Variants in TENM3 observed in about 807,000 individuals in gnomAD.
TENM3 encodes teneurin transmembrane protein 3, also known as teneurin-3.
Under a neutral mutation model 255.1 loss-of-function variants are expected in TENM3, and 63 were observed. That is an observed-to-expected ratio of 0.25 (90% confidence interval 0.20 to 0.30). The LOEUF (loss-of-function observed/expected upper bound fraction) is 0.30. Among genes scored for constraint, TENM3 ranks in the 10% least tolerant of loss-of-function variants. The pLI is 1.00. For synonymous variants in TENM3, 1,306 were observed against 1,322.3 expected, an observed-to-expected ratio of 0.99 and a Z score of 0.27; for missense variants, 2,929 against 3,461.1, an observed-to-expected ratio of 0.85 and a Z score of 3.86.
chr4:181,543,551 A>C, the TENM3 span, among the ~76,000 whole-genome samples: 1 of 152,276 alleles, frequency 6.6e-6, no homozygotes, highest in African/African-American at 2.4e-5. Context: ...CTTGTCTTGC[A>C]CCGTGCTTTT....
At chr4:181,488,856 G>A in the TENM3 span, among the ~76,000 whole-genome samples, 1 of 152,114 alleles carries the variant, frequency 6.6e-6, no homozygotes, top group Non-Finnish European at 1.5e-5. Flanking sequence ...TTTTCAAAAT[G>A]AAATCTTTGC....
chr4:182,518,060 TTC>T (rs1304093941), intron 3 of TENM3, among the ~76,000 whole-genome samples: 1 of 152,166 alleles, frequency 6.6e-6, no homozygotes, highest in African/African-American at 2.4e-5. Context: ...CTTTTTCTTG[TTC>T]TTTTTGTTTC....
the TENM3 span, among the ~76,000 whole-genome samples, chr4:182,101,000 G>T: frequency 2.6e-4 from 36 of 139,504 alleles, 1 homozygote; most frequent in East Asian, 5.4e-3. Context: ...AGACGAAATG[G>T]TACCACTGTA....
intron 22 of TENM3, among the ~76,000 whole-genome samples, chr4:182,755,898 G>A (rs750755644): frequency 1.4e-3 from 217 of 151,970 alleles, no homozygotes; most frequent in Middle Eastern, 6.8e-3. Context: ...GATACAAGAT[G>A]TAGGGCCTTG....
chr4:182,246,951 C>G (rs1757694029), intron 1 of TENM3, among the ~76,000 whole-genome samples: 1 of 152,102 alleles, frequency 6.6e-6, no homozygotes, highest in South Asian at 2.1e-4. Context: ...AGGTGGATCA[C>G]GAGGGATGCC....
intron 1 of TENM3, among the ~76,000 whole-genome samples, chr4:182,291,708 G>A (rs551172611): frequency 2.0e-5 from 3 of 152,088 alleles, no homozygotes; most frequent in African/African-American, 2.4e-5. Context: ...GTATGCATGC[G>A]TCCCTCCTCA....
chr4:182,785,712 T>TAAAAAAAAAAAAA (rs397879537), intron 24 of TENM3, among the ~76,000 whole-genome samples: 1 of 60,086 alleles, frequency 1.7e-5, no homozygotes. Flanking sequence ...TGTCTCAAGA[T>TAAAAAAAAAAAAA]AAAAAAAAAA....
chr4:181,721,547 C>A, the TENM3 span, among the ~76,000 whole-genome samples: 2 of 45,924 alleles, frequency 4.4e-5, no homozygotes, highest in African/African-American at 6.0e-5. Context: ...TTGCAGTGAG[C>A]CGAGATCGCG....
intron 22 of TENM3, among the ~76,000 whole-genome samples, chr4:182,771,109 T>A (rs1415690121): frequency 6.6e-6 from 1 of 152,298 alleles, no homozygotes; most frequent in South Asian, 2.1e-4. Context: ...TATCTCCCTG[T>A]GCCGAGGATC....
At chr4:181,606,112 T>C in the TENM3 span, among the ~76,000 whole-genome samples, 1 of 152,166 alleles carries the variant, frequency 6.6e-6, no homozygotes, top group Non-Finnish European at 1.5e-5. Flanking sequence ...GATTACATCC[T>C]ATATACACCT....
At chr4:181,538,466 G>C in the TENM3 span, among the ~76,000 whole-genome samples, 2 of 152,080 alleles carry the variant, frequency 1.3e-5, no homozygotes, top group African/African-American at 2.4e-5. Flanking sequence ...GGATGGGGAG[G>C]GGGGCGTGGT....
rs1363911156 is a variant in TENM3 at position 182,346,933 on chromosome 4, A to G, written c.511+4A>G. ...AACAAGTCCGACAGTGAGAATGGTA[A>G]GTTTCCTTTTTGGCTTTATAATGTT... On this transcript the variant is annotated splice_donor_region_variant and intron_variant, in intron 3 of 27. Coordinates refer to ENST00000511685, the MANE Select transcript of TENM3 (RefSeq NM_001080477.4). The G allele has an allele frequency of 1.9e-6, 3 of 1,580,880 alleles. No homozygotes were observed. Among genetic ancestry groups the G allele is most frequent in the Non-Finnish European group, 2.6e-6 (3 of 1,159,640 alleles).
chr4:182,284,765 G>A (rs1460023610), intron 1 of TENM3, among the ~76,000 whole-genome samples: 2 of 152,202 alleles, frequency 1.3e-5, no homozygotes, highest in African/African-American at 4.8e-5. Context: ...AGATGAGATT[G>A]TGAATTATTC....
At chr4:181,969,355 C>A in the TENM3 span, among the ~76,000 whole-genome samples, 1 of 152,150 alleles carries the variant, frequency 6.6e-6, no homozygotes, top group African/African-American at 2.4e-5. Context: ...GATTTAACCT[C>A]TTTTTCTATG....
chr4:182,002,476 G>A, the TENM3 span, among the ~76,000 whole-genome samples: 5 of 151,908 alleles, frequency 3.3e-5, no homozygotes, highest in Non-Finnish European at 5.9e-5. Context: ...CTGGAGGAAC[G>A]AAGAGGCTCA....
At chr4:182,128,572 C>A in the TENM3 span, among the ~76,000 whole-genome samples, 1 of 152,136 alleles carries the variant, frequency 6.6e-6, no homozygotes, top group South Asian at 2.1e-4. Flanking sequence ...TATTAAGATT[C>A]AAGTTTTCTT....
intron 3 of TENM3, among the ~76,000 whole-genome samples, chr4:182,520,140 G>A (rs1266764030): frequency 6.6e-6 from 1 of 151,948 alleles, no homozygotes; most frequent in East Asian, 1.9e-4. Flanking sequence ...GATACAGATA[G>A]GAAGGAAGAA....
At chr4:181,533,587 C>A in the TENM3 span, among the ~76,000 whole-genome samples, 1 of 152,118 alleles carries the variant, frequency 6.6e-6, no homozygotes, top group Non-Finnish European at 1.5e-5. Flanking sequence ...CCACTGGGGT[C>A]TCCTTCCCTC....
chr4:181,874,140 A>C, the TENM3 span, among the ~76,000 whole-genome samples: 6 of 151,798 alleles, frequency 4.0e-5, no homozygotes, highest in Non-Finnish European at 4.4e-5. Context: ...GCTGGTCTCA[A>C]ACTCCTGACC....
Sources: gnomAD v4.1 joint callset for allele counts (sites outside exome capture counted in the v4.1 genomes callset) on GRCh38, gnomAD v4.1.1 for gene constraint, MANE v1.5 for transcripts, NCBI Gene and HGNC (gene_info 2026-07-23, HGNC 2026-07-21) for gene names.